LAMA3: variants seen among roughly 807,000 people sequenced by gnomAD.
LAMA3 encodes laminin subunit alpha-3.
LAMA3 carries 281 observed loss-of-function variants against 402.0 expected under a neutral mutation model. That is an observed-to-expected ratio of 0.70 (90% CI 0.63 to 0.77). The LOEUF (loss-of-function observed/expected upper bound fraction) is 0.77. LAMA3 is among the 30% of genes least tolerant of loss of function. The pLI is 0.00. For missense variants in LAMA3, 3,840 were observed against 4,215.5 expected (o/e 0.91, Z 2.47); for synonymous variants, 1,431 against 1,558.4 (o/e 0.92, Z 1.93).
chr18:23,912,841 G>T lies in LAMA3; in HGVS notation c.7289G>T (p.Gly2430Val). 6.2e-7 allele frequency: 1 copy of T among 1,613,976 alleles called. No homozygotes were observed. The highest frequency in any genetic ancestry group is 2.2e-5 in the East Asian group (1 of 44,886). ...LQRPNSRENG[G>V]TENMFVMYLG... ...AGGCCCAACTCAAGAGAAAATGGGG[G>T]TACTGAGAATATGTTTGTGATGTAC... The change falls in exon 56 of 75, where the codon GGT becomes GTT. Residue 2430 changes from glycine (G) to valine (V), a missense_variant. Around this residue, in one of 3 missense-constraint regions of LAMA3, gnomAD observed 891 missense variants for 857.5 expected, o/e 1.04. Coordinates refer to ENST00000313654, the MANE Select transcript of LAMA3 (RefSeq NM_198129.4).
At chr18:23,936,469 A>T (rs1460678913) in intron 67 of LAMA3, among the ~76,000 whole-genome samples, 1 of 147,734 alleles carries the variant, frequency 6.8e-6, no homozygotes, top group Non-Finnish European at 1.5e-5. Flanking sequence ...TCTTAAGCAC[A>T]AAGAACGTGC....
At chr18:23,814,882 A>G (rs1350308776) in intron 15 of LAMA3, among the ~76,000 whole-genome samples, 1 of 152,226 alleles carries the variant, frequency 6.6e-6, no homozygotes, top group Non-Finnish European at 1.5e-5. Flanking sequence ...GTGTATTTTC[A>G]TGCATGCATA....
At chr18:23,909,923 T>C (rs139492968) in intron 55 of LAMA3, among the ~76,000 whole-genome samples, 85 of 152,348 alleles carry the variant, frequency 5.6e-4, no homozygotes, top group African/African-American at 1.8e-3. Context: ...AGAATATCAT[T>C]GCCCTGGAGG....
intron 23 of LAMA3, among the ~76,000 whole-genome samples, chr18:23,831,661 G>C (rs2063492794): frequency 6.6e-6 from 1 of 152,200 alleles, no homozygotes; most frequent in Non-Finnish European, 1.5e-5. Flanking sequence ...CTGTCTGAGG[G>C]TATGTCTGTC....
At chr18:23,758,587 A>G (rs546918758) in intron 7 of LAMA3, 76 bp downstream of exon 7, 2 of 1,096,560 alleles carry the variant, frequency 1.8e-6, no homozygotes, top group Non-Finnish European at 2.7e-6. Context: ...TATTTTCCCC[A>G]TGCTAGAGAA....
chr18:23,802,565 T>C (rs2062885212), intron 12 of LAMA3, among the ~76,000 whole-genome samples: 1 of 152,206 alleles, frequency 6.6e-6, no homozygotes, highest in Non-Finnish European at 1.5e-5. Flanking sequence ...CACAATTGCT[T>C]CTATCTTCAT....
In LAMA3 at chr18:23,838,832, C is replaced by T; in HGVS notation, c.3145C>T (p.Pro1049Ser). ...IEEFSAEYVR[P>S]QVHCIASYGR... ...AGAATTCTCAGCTGAGTATGTGAGA[C>T]CACAAGTCCACTGCATTGCCAGTTA... is the stretch of plus-strand genomic sequence containing the variant. The change falls in exon 26 of 75, where the codon CCA becomes TCA. Residue 1049 changes from proline (P) to serine (S), a missense_variant. Around this residue, in one of 3 missense-constraint regions of LAMA3, gnomAD observed 2,109 missense variants for 2,376.0 expected, o/e 0.89. Transcript: ENST00000313654. 6.2e-7 allele frequency: 1 copy of T among 1,612,502 alleles called. No individual in the cohort carries two copies. Among genetic ancestry groups the T allele is most frequent in the Non-Finnish European group, 8.5e-7 (1 of 1,178,524 alleles).
At chr18:23,782,788 T>C (rs956076292) in intron 11 of LAMA3, among the ~76,000 whole-genome samples, 2 of 145,738 alleles carry the variant, frequency 1.4e-5, no homozygotes, top group Admixed American at 7.1e-5. Flanking sequence ...TTAACCTTTC[T>C]GAGCATCTTT....
chr18:23,911,251 C>G (rs574909262), intron 55 of LAMA3, among the ~76,000 whole-genome samples: 2 of 152,094 alleles, frequency 1.3e-5, no homozygotes, highest in Non-Finnish European at 2.9e-5. Context: ...TCGCTAAGTC[C>G]CCTGATTTAA....
At chr18:23,723,764 C>T (rs1032766683) in intron 2 of LAMA3, among the ~76,000 whole-genome samples, 5 of 151,986 alleles carry the variant, frequency 3.3e-5, no homozygotes. Context: ...AATCTAGTAC[C>T]AACCTAGGAG....
At chr18:23,710,843 A>AGAATAAATTTTTC (rs1568101873) in intron 1 of LAMA3, among the ~76,000 whole-genome samples, 3 of 152,200 alleles carry the variant, frequency 2.0e-5, no homozygotes, top group African/African-American at 7.2e-5. Context: ...TTAAATTTTT[A>AGAATAAATTTTTC]GAATAAATTT....
chr18:23,714,644 T>A (rs909286347), intron 2 of LAMA3, among the ~76,000 whole-genome samples: 1 of 152,220 alleles, frequency 6.6e-6, no homozygotes, highest in African/African-American at 2.4e-5. Flanking sequence ...ATATTTTTAT[T>A]ATTATTTTTA....
chr18:23,759,310 G>A (rs959238746), intron 7 of LAMA3, among the ~76,000 whole-genome samples: 17 of 143,748 alleles, frequency 1.2e-4, no homozygotes, highest in African/African-American at 4.2e-4. Flanking sequence ...TCCAGCCTGG[G>A]TGAAAGGATA....
chr18:23,826,352 G>A (rs954090424), intron 21 of LAMA3, among the ~76,000 whole-genome samples: 2 of 152,216 alleles, frequency 1.3e-5, no homozygotes, highest in African/African-American at 2.4e-5. Context: ...GTTCTGTACT[G>A]CTGAAGGCAA....
At chr18:23,709,371 C>T (rs898187406) in intron 1 of LAMA3, among the ~76,000 whole-genome samples, 26 of 152,318 alleles carry the variant, frequency 1.7e-4, no homozygotes, top group Middle Eastern at 3.4e-3. Flanking sequence ...CTGTGCCCAG[C>T]CTCATGTGGA....
intron 6 of LAMA3, among the ~76,000 whole-genome samples, chr18:23,757,686 G>C (rs2061879144): frequency 6.6e-6 from 1 of 152,226 alleles, no homozygotes; most frequent in East Asian, 1.9e-4. Flanking sequence ...ACCAGGGCTG[G>C]ACAATGGTTT....
chr18:23,775,372 C>G (rs112016855), intron 9 of LAMA3, among the ~76,000 whole-genome samples: 13 of 152,200 alleles, frequency 8.5e-5, no homozygotes, highest in African/African-American at 2.4e-4. Context: ...TCCACACTTG[C>G]ATCTGTATCA....
chr18:23,882,609 TAAAA>T (rs10555585), intron 40 of LAMA3, among the ~76,000 whole-genome samples: 1 of 138,800 alleles, frequency 7.2e-6, no homozygotes, highest in African/African-American at 2.6e-5. Flanking sequence ...GACTCCATCT[TAAAA>T]AAAAAAAAAA....
In LAMA3 at chr18:23,764,206, C is replaced by T. The variant is rs530864805; in HGVS notation, c.1182+683C>T. Among the ~76,000 whole-genome samples, 6 of 152,176 alleles carry T rather than the reference C, an allele frequency of 3.9e-5. No individual in the cohort carries two copies. The East Asian group carries it at 1.2e-3, about 29-fold the overall frequency. ...TTAATATGAAACCAGGGCTACATAC[C>T]CATAGAGAGAGCCACCATTCTTCAT... On this transcript the variant is annotated intron_variant, in intron 8 of 74. Transcript: ENST00000313654.
Sources: allele counts gnomAD v4.1 joint callset (sites outside exome capture counted in the v4.1 genomes callset), GRCh38; gene constraint gnomAD v4.1.1; regional missense constraint gnomAD v4.1.1; transcripts MANE v1.5; gene names NCBI Gene and HGNC (gene_info 2026-07-23, HGNC 2026-07-21).